The following HHLA2 variants were observed in gnomAD, a reference collection of about 807,000 sequenced individuals.
HHLA2 encodes HHLA2 member of B7 family, also known as HERV-H LTR-associating protein 2.
Under a neutral mutation model 45.9 loss-of-function variants are expected in HHLA2, and 48 were observed. The ratio of observed to expected loss-of-function variants is 1.05; its 90% CI spans 0.83 to 1.33. The LOEUF (loss-of-function observed/expected upper bound fraction) is 1.33. HHLA2 is among the 40% of genes most tolerant of loss of function. The pLI is 0.00. For missense variants in HHLA2, 462 were observed against 494.3 expected, an observed-to-expected ratio of 0.93 and a Z score of 0.62; for synonymous variants, 161 against 173.9, an observed-to-expected ratio of 0.93 and a Z score of 0.59.
At chr3:108,297,254 T>C (rs2080775789) in intron 1 of HHLA2, among the ~76,000 whole-genome samples, 2 of 152,222 alleles carry the variant, frequency 1.3e-5, no homozygotes, top group South Asian at 4.1e-4. Flanking sequence ...ACAGGTAATT[T>C]AGGTTTTTTT....
At chr3:108,351,927 A>T (rs754645210) in intron 4 of HHLA2, 50 bp downstream of exon 3, 12 of 1,276,580 alleles carry the variant, frequency 9.4e-6, no homozygotes, top group African/African-American at 1.5e-5. Flanking sequence ...ATCAGATAGA[A>T]ACATGAGCAC....
chr3:108,321,477 A>T (rs550630035), intron 2 of HHLA2, among the ~76,000 whole-genome samples: 2 of 152,220 alleles, frequency 1.3e-5, no homozygotes, highest in Non-Finnish European at 2.9e-5. Flanking sequence ...AGAATTCTGG[A>T]TGTGGTTGCG....
chr3:108,358,982 T>C (rs566418734), intron 7 of HHLA2, among the ~76,000 whole-genome samples: 89 of 152,330 alleles, frequency 5.8e-4, no homozygotes, highest in African/African-American at 2.1e-3. Context: ...CTTCAAATAC[T>C]TGGAAGCTTC....
At chr3:108,340,014 A>G (rs911213359) in intron 3 of HHLA2, among the ~76,000 whole-genome samples, 2 of 152,182 alleles carry the variant, frequency 1.3e-5, no homozygotes, top group African/African-American at 4.8e-5. Context: ...TGGACGGTAA[A>G]GGTAGATGGG....
intron 4 of HHLA2, among the ~76,000 whole-genome samples, chr3:108,353,166 C>A (rs1338466508): frequency 2.6e-5 from 4 of 152,170 alleles, no homozygotes. Flanking sequence ...ATCAAGTGGG[C>A]AGCAAACCAG....
intron 1 of HHLA2, among the ~76,000 whole-genome samples, chr3:108,305,417 G>A (rs186056246): frequency 6.6e-5 from 10 of 152,294 alleles, no homozygotes; most frequent in South Asian, 2.1e-4. Context: ...GTAGAAAACC[G>A]TGCCTCAAAG....
intron 2 of HHLA2, among the ~76,000 whole-genome samples, chr3:108,311,145 T>C (rs2081011942): frequency 6.6e-6 from 1 of 152,202 alleles, no homozygotes. Context: ...TTGCAAGTAG[T>C]AGAGAACAAC....
intron 2 of HHLA2, among the ~76,000 whole-genome samples, chr3:108,320,198 T>C (rs1308406034): frequency 6.6e-6 from 1 of 152,146 alleles, no homozygotes; most frequent in Non-Finnish European, 1.5e-5. Flanking sequence ...AATTTTAAGG[T>C]TTTTGATATT....
intron 3 of HHLA2, among the ~76,000 whole-genome samples, chr3:108,351,204 C>T (rs937489796): frequency 3.3e-5 from 5 of 152,072 alleles, no homozygotes; most frequent in Non-Finnish European, 7.4e-5. Context: ...CTTTGTAACC[C>T]ATGAATTTAA....
At chr3:108,355,325 G>A in exon 6 of HHLA2, 2 of 1,613,800 alleles carry the variant, frequency 1.2e-6, no homozygotes, top group Non-Finnish European at 1.7e-6. Context: ...TCTTATGAAT[G>A]TACAATTGAA....
At chr3:108,349,356 C>A (rs2081733787) in intron 3 of HHLA2, among the ~76,000 whole-genome samples, 1 of 152,146 alleles carries the variant, frequency 6.6e-6, no homozygotes, top group Non-Finnish European at 1.5e-5. Context: ...TCAGATAATA[C>A]TATAAACACC....
intron 2 of HHLA2, among the ~76,000 whole-genome samples, chr3:108,316,648 A>C (rs1462919621): frequency 6.6e-6 from 1 of 152,200 alleles, no homozygotes; most frequent in African/African-American, 2.4e-5. Flanking sequence ...GGTCAACCAC[A>C]TCCCAATGCA....
chr3:108,363,985 T>C (rs1477740254), intron 8 of HHLA2, among the ~76,000 whole-genome samples: 5 of 151,974 alleles, frequency 3.3e-5, no homozygotes, highest in East Asian at 1.9e-4. Flanking sequence ...CTTTTTTTTT[T>C]TTTCTTTCTT....
intron 3 of HHLA2, among the ~76,000 whole-genome samples, chr3:108,332,042 A>T (rs182589166): frequency 1.7e-3 from 258 of 152,338 alleles, no homozygotes; most frequent in Non-Finnish European, 3.0e-3. Context: ...TGTAGATCTT[A>T]AAATTGTAGA....
At chr3:108,358,625 C>T (rs2081938249) in intron 7 of HHLA2, among the ~76,000 whole-genome samples, 1 of 152,150 alleles carries the variant, frequency 6.6e-6, no homozygotes, top group East Asian at 1.9e-4. Context: ...GTATATATTC[C>T]TAGTTCAGTT....
intron 1 of HHLA2, among the ~76,000 whole-genome samples, chr3:108,299,926 C>T (rs77416007): frequency 0.014 from 2,080 of 152,106 alleles, 42 homozygotes; most frequent in African/African-American, 0.047. Flanking sequence ...AGTTGGATGA[C>T]GAGAGTCCCA....
chr3:108,376,363 G>T, intron 9 of HHLA2, 130 bp from the exon 9 acceptor site: 2 of 657,166 alleles, frequency 3.0e-6, no homozygotes, highest in African/African-American at 1.8e-5. Flanking sequence ...TTTTCATGTT[G>T]TTTGTTAAAG....
exon 3 of HHLA2, chr3:108,328,342 C>A (rs764478306): frequency 2.0e-6 from 3 of 1,529,856 alleles, no homozygotes; most frequent in Non-Finnish European, 2.6e-6. Context: ...GAACGCACCT[C>A]CTCTGGTAAG....
At chr3:108,326,112 T>C in intron 2 of HHLA2, 1 of 243,540 alleles carries the variant, frequency 4.1e-6, no homozygotes, top group Non-Finnish European at 8.3e-6. Context: ...CTTCGGTGTC[T>C]TTTTTTTAAT....
Sources: allele counts gnomAD v4.1 joint callset (sites outside exome capture counted in the v4.1 genomes callset), GRCh38; gene constraint gnomAD v4.1.1; transcripts MANE v1.5; gene names NCBI Gene and HGNC (gene_info 2026-07-23, HGNC 2026-07-21).